Variants in FNIP1 observed in about 807,000 individuals in gnomAD.
FNIP1 encodes folliculin-interacting protein 1.
In FNIP1, 40 loss-of-function variants were observed where a neutral mutation model predicts 124.5. That is an observed-to-expected ratio of 0.32 (90% confidence interval 0.25 to 0.42). The LOEUF (loss-of-function observed/expected upper bound fraction) is 0.42, where lower values mean the gene tolerates loss of function less well. Among genes scored for constraint, FNIP1 ranks in the 10% least tolerant of loss-of-function variants. The pLI is 1.00. For synonymous variants in FNIP1, 472 were observed against 470.6 expected (o/e 1.00, Z -0.04); for missense variants, 1,176 against 1,403.7 (o/e 0.84, Z 2.59).
chr5:131,653,707 C>T (rs1327182406), intron 15 of FNIP1, among the ~76,000 whole-genome samples: 1 of 152,132 alleles, frequency 6.6e-6, no homozygotes, highest in Non-Finnish European at 1.5e-5. Context: ...CTACTTTTTA[C>T]TCTGTATATC....
intron 15 of FNIP1, among the ~76,000 whole-genome samples, chr5:131,652,278 T>C (rs1388811212): frequency 6.6e-6 from 1 of 152,244 alleles, no homozygotes; most frequent in Non-Finnish European, 1.5e-5. Context: ...ATTCATTAAT[T>C]TGACAAATGT....
Position 131,709,205 on chromosome 5 carries a change from C to T in FNIP1, c.774G>A (p.Arg258=), listed in dbSNP as rs773718495. The change falls in exon 8 of 18, where the codon CGG becomes CGA. Residue 258 remains arginine, a synonymous_variant. Coordinates refer to ENST00000510461, the MANE Select transcript of FNIP1 (RefSeq NM_133372.3). The part of the protein sequence containing the change: ...LNEDRDSGIA[R]SASLSSLLIT... Reference sequence around the variant, plus strand: ...AATACAAGAACGTGACATTACCAGACCGTGCTATGCCACTGTCTCTGTCCT... The same window carrying T: ...AATACAAGAACGTGACATTACCAGATCGTGCTATGCCACTGTCTCTGTCCT... The T allele has an allele frequency of 6.2e-7, 1 of 1,613,566 alleles. No homozygotes were observed. The highest frequency in any genetic ancestry group is 8.5e-7 in the Non-Finnish European group (1 of 1,179,626).
At chr5:131,731,119 G>A (rs1770074659) in intron 2 of FNIP1, 81 bp from the exon 3 acceptor site, 2 of 1,304,302 alleles carry the variant, frequency 1.5e-6, no homozygotes, top group South Asian at 3.2e-5. Flanking sequence ...AAAACCTTTG[G>A]AAAAACCAAG....
At chr5:131,795,407 T>C (rs2149593642) in intron 1 of FNIP1, among the ~76,000 whole-genome samples, 1 of 152,336 alleles carries the variant, frequency 6.6e-6, no homozygotes, top group East Asian at 1.9e-4. Flanking sequence ...CTTGAGAGCC[T>C]TGTAAACCTA....
At chr5:131,716,977 A>T (rs570382104) in intron 5 of FNIP1, among the ~76,000 whole-genome samples, 202 of 151,258 alleles carry the variant, frequency 1.3e-3, no homozygotes, top group Non-Finnish European at 1.7e-3. Context: ...AAGCCAAAAA[A>T]ATATATATAT....
At chr5:131,780,665 TG>T (rs1417699460) in intron 1 of FNIP1, among the ~76,000 whole-genome samples, 1 of 152,150 alleles carries the variant, frequency 6.6e-6, no homozygotes, top group African/African-American at 2.4e-5. Context: ...ATGTTACTAT[TG>T]TAATTGTTTT....
chr5:131,716,213 G>A (rs1022089014), intron 6 of FNIP1, among the ~76,000 whole-genome samples: 1 of 152,230 alleles, frequency 6.6e-6, no homozygotes, highest in Non-Finnish European at 1.5e-5. Flanking sequence ...GGAAGAAGGT[G>A]TAATAGTCTT....
At chr5:131,685,885 A>G (rs1269866558) in intron 11 of FNIP1, among the ~76,000 whole-genome samples, 4 of 152,148 alleles carry the variant, frequency 2.6e-5, no homozygotes, top group African/African-American at 4.8e-5. Flanking sequence ...TACTACTTAT[A>G]TTCATAAGAG....
intron 13 of FNIP1, among the ~76,000 whole-genome samples, chr5:131,674,004 C>T (rs1041831624): frequency 6.6e-6 from 1 of 151,904 alleles, no homozygotes; most frequent in Non-Finnish European, 1.5e-5. Flanking sequence ...CCACTGCACT[C>T]CAGCCTGGGC....
At chr5:131,692,364 A>G (rs1768510952) in intron 11 of FNIP1, among the ~76,000 whole-genome samples, 1 of 151,278 alleles carries the variant, frequency 6.6e-6, no homozygotes, top group Non-Finnish European at 1.5e-5. Flanking sequence ...CACAGGGTCT[A>G]TATGAGGAAA....
chr5:131,663,160 A>G (rs534114270), intron 15 of FNIP1, among the ~76,000 whole-genome samples: 1 of 152,360 alleles, frequency 6.6e-6, no homozygotes, highest in South Asian at 2.1e-4. Context: ...GGTTACCTCT[A>G]GTAAAAGGAT....
rs1448879394 is a variant in FNIP1 at position 131,641,758 on chromosome 5, G to A, written c.*2927C>T. On this transcript the variant is annotated 3_prime_UTR_variant, in exon 18 of 18. Transcript: ENST00000510461. ...TATTGCACAAATATCCCCTAGAACT[G>A]GGAGGTTATTATAATACAAGTGTAC... The A allele has an allele frequency of 1.3e-5, 2 of 152,636 alleles. No individual in the cohort carries two copies. The highest frequency in any genetic ancestry group is 2.9e-5 in the Non-Finnish European group (2 of 68,020). The allele number at this position is 152,636 out of a possible 1,614,324, so 9.5% of individuals were successfully genotyped here. A position where few individuals can be genotyped will look rare whatever the true frequency, so the allele number is the denominator to read the frequency against.
chr5:131,749,309 G>A (rs932012268), intron 1 of FNIP1, among the ~76,000 whole-genome samples: 6 of 151,776 alleles, frequency 4.0e-5, no homozygotes, highest in African/African-American at 1.2e-4. Flanking sequence ...CTCACTCACT[G>A]ACTCACCCAG....
intron 11 of FNIP1, among the ~76,000 whole-genome samples, chr5:131,683,609 A>T (rs1164367387): frequency 6.6e-6 from 1 of 151,734 alleles, no homozygotes; most frequent in Non-Finnish European, 1.5e-5. Context: ...AATGCAGTGT[A>T]AATACTATGT....
intron 2 of FNIP1, among the ~76,000 whole-genome samples, chr5:131,731,302 T>C (rs1333193972): frequency 6.6e-6 from 1 of 152,206 alleles, no homozygotes; most frequent in Non-Finnish European, 1.5e-5. Flanking sequence ...GCCTATACGA[T>C]GTTCATTAAT....
At chr5:131,657,930 G>C (rs1200018662) in intron 15 of FNIP1, among the ~76,000 whole-genome samples, 3 of 151,410 alleles carry the variant, frequency 2.0e-5, no homozygotes, top group African/African-American at 4.9e-5. Context: ...AGTCCCAGCT[G>C]CTGGGGAGGC....
intron 13 of FNIP1, among the ~76,000 whole-genome samples, chr5:131,675,336 A>G (rs1245967510): frequency 3.3e-5 from 5 of 152,154 alleles, no homozygotes; most frequent in Non-Finnish European, 7.4e-5. Context: ...CTGCATATAT[A>G]TTACCTACAG....
intron 1 of FNIP1, among the ~76,000 whole-genome samples, chr5:131,779,340 T>C (rs899139110): frequency 1.3e-5 from 2 of 152,138 alleles, no homozygotes; most frequent in South Asian, 4.1e-4. Context: ...TTTTTAGATC[T>C]ATTAGTAATT....
intron 1 of FNIP1, among the ~76,000 whole-genome samples, chr5:131,769,313 A>C (rs1489506553): frequency 6.6e-6 from 1 of 152,222 alleles, no homozygotes; most frequent in Non-Finnish European, 1.5e-5. Flanking sequence ...ACTTTCAATA[A>C]AATAAGTATC....
Sources: allele counts gnomAD v4.1 joint callset (sites outside exome capture counted in the v4.1 genomes callset), GRCh38; gene constraint gnomAD v4.1.1; transcripts MANE v1.5; gene names NCBI Gene and HGNC (gene_info 2026-07-23, HGNC 2026-07-21).